Variants in EXOC4 observed in about 807,000 individuals in gnomAD.
EXOC4 encodes the protein exocyst complex component 4, also known as SEC8-like 1.
In EXOC4, 71 loss-of-function variants were observed where a neutral mutation model predicts 107.2. That is an observed-to-expected ratio of 0.66 (90% CI 0.55 to 0.81). The LOEUF (loss-of-function observed/expected upper bound fraction) is 0.81. EXOC4 is among the 30% of genes least tolerant of loss of function. The pLI is 0.00. For synonymous variants in EXOC4, 456 were observed against 441.2 expected (o/e 1.03, Z -0.42); for missense variants, 1,108 against 1,189.6 (o/e 0.93, Z 1.01).
At chr7:133,951,125 A>G (rs1283468371) in intron 14 of EXOC4, among the ~76,000 whole-genome samples, 1 of 152,212 alleles carries the variant, frequency 6.6e-6, no homozygotes, top group Non-Finnish European at 1.5e-5. Context: ...CATTCCTGCA[A>G]AACAAATGAG....
chr7:133,402,081 A>T (rs1797102563), intron 7 of EXOC4, among the ~76,000 whole-genome samples: 1 of 152,226 alleles, frequency 6.6e-6, no homozygotes, highest in African/African-American at 2.4e-5. Flanking sequence ...AGTTAAATGT[A>T]TATGAGTTTT....
chr7:133,855,079 C>CTAAATATATA lies in EXOC4; in HGVS notation c.1734+37548_1734+37557dup, dbSNP rs1297598608. The stretch of plus-strand genomic sequence containing the variant: ...TATATCTAAATATATCTAAATATAT[C>CTAAATATATA]TAAATATATATAAATATATATATAA... On this transcript the variant is annotated intron_variant, in intron 11 of 17. Coordinates refer to ENST00000253861, the MANE Select transcript of EXOC4 (RefSeq NM_021807.4). 2.2e-3 allele frequency among the ~76,000 whole-genome samples: 96 copies of CTAAATATATA among 43,726 alleles called. 1 individual carries two copies. The highest frequency in any genetic ancestry group is 0.013 in the Middle Eastern group (1 of 80). 28.7% of individuals were successfully genotyped at this position (43,726 alleles called of 152,430 possible). A position where few individuals can be genotyped will look rare whatever the true frequency, so the allele number is the denominator to read the frequency against.
chr7:133,597,319 C>G (rs149370906), intron 9 of EXOC4, among the ~76,000 whole-genome samples: 1 of 151,714 alleles, frequency 6.6e-6, no homozygotes, highest in Non-Finnish European at 1.5e-5. Context: ...TTTGGGAGGC[C>G]GAGGCGGGTG....
chr7:134,002,032 T>C (rs1490965561), intron 15 of EXOC4, among the ~76,000 whole-genome samples: 2 of 152,220 alleles, frequency 1.3e-5, no homozygotes, highest in Admixed American at 6.5e-5. Context: ...GCAATCAGTG[T>C]GCTAGTCATG....
At chr7:133,636,063 T>C (rs1802702437) in intron 10 of EXOC4, among the ~76,000 whole-genome samples, 1 of 152,092 alleles carries the variant, frequency 6.6e-6, no homozygotes, top group Non-Finnish European at 1.5e-5. Context: ...AAAAGTGAAG[T>C]GTTGGGGCTG....
intron 7 of EXOC4, among the ~76,000 whole-genome samples, chr7:133,393,216 T>C (rs1441835026): frequency 6.6e-6 from 1 of 152,172 alleles, no homozygotes; most frequent in African/African-American, 2.4e-5. Flanking sequence ...TTGACATATC[T>C]AATAGTTATA....
the EXOC4 span, among the ~76,000 whole-genome samples, chr7:134,079,715 G>T: frequency 2.0e-5 from 3 of 152,126 alleles, no homozygotes; most frequent in African/African-American, 4.8e-5. Context: ...AGTTCCTCTG[G>T]TCCTCCACAA....
At chr7:133,964,726 T>C (rs1033024867) in intron 14 of EXOC4, among the ~76,000 whole-genome samples, 3 of 152,204 alleles carry the variant, frequency 2.0e-5, no homozygotes, top group African/African-American at 7.2e-5. Flanking sequence ...ATCTAGTCTA[T>C]CATTGATGGG....
chr7:133,811,050 C>T (rs1297402489), intron 10 of EXOC4, among the ~76,000 whole-genome samples: 1 of 152,096 alleles, frequency 6.6e-6, no homozygotes, highest in Non-Finnish European at 1.5e-5. Context: ...GAATAAGGGT[C>T]CTCAAAATCC....
the EXOC4 span, among the ~76,000 whole-genome samples, chr7:134,079,972 G>A: frequency 7.9e-5 from 12 of 152,154 alleles, no homozygotes; most frequent in Admixed American, 2.6e-4. Flanking sequence ...CTCTGATCAC[G>A]CCAAGATCTA....
intron 10 of EXOC4, among the ~76,000 whole-genome samples, chr7:133,769,279 TG>T (rs1301951314): frequency 7.9e-5 from 12 of 151,784 alleles, no homozygotes; most frequent in East Asian, 1.9e-4. Context: ...ATACATAGAT[TG>T]TTTTTTTTTT....
chr7:133,844,378 C>CTT (rs761535651), intron 11 of EXOC4, among the ~76,000 whole-genome samples: 903 of 83,386 alleles, frequency 0.011, 157 homozygotes, highest in African/African-American at 0.027. Context: ...CCACATATTC[C>CTT]TTTTTTTTTT....
At chr7:133,498,571 C>T (rs1039080486) in intron 9 of EXOC4, among the ~76,000 whole-genome samples, 4 of 152,016 alleles carry the variant, frequency 2.6e-5, no homozygotes, top group Non-Finnish European at 2.9e-5. Context: ...GGCGACAGAG[C>T]GAGACTCCGT....
At chr7:133,819,419 C>T (rs996348849) in intron 11 of EXOC4, among the ~76,000 whole-genome samples, 2 of 151,930 alleles carry the variant, frequency 1.3e-5, no homozygotes, top group Non-Finnish European at 2.9e-5. Flanking sequence ...TCCTTTCCCA[C>T]TAGAAGGTAA....
At chr7:133,955,689 G>C (rs1176965424) in intron 14 of EXOC4, among the ~76,000 whole-genome samples, 1 of 152,250 alleles carries the variant, frequency 6.6e-6, no homozygotes, top group African/African-American at 2.4e-5. Flanking sequence ...ATGGTGCCCA[G>C]GCTGTTTGTG....
intron 9 of EXOC4, among the ~76,000 whole-genome samples, chr7:133,534,053 A>G (rs2150924212): frequency 6.6e-6 from 1 of 152,326 alleles, no homozygotes; most frequent in South Asian, 2.1e-4. Flanking sequence ...AGTTTAGGTC[A>G]GAGAATTTTA....
At chr7:133,910,216 C>T (rs1036181460) in intron 12 of EXOC4, among the ~76,000 whole-genome samples, 1 of 152,194 alleles carries the variant, frequency 6.6e-6, no homozygotes, top group African/African-American at 2.4e-5. Flanking sequence ...ACCACTGCGT[C>T]CAGCTGAGAC....
chr7:133,382,039 CT>C (rs1287561063), intron 7 of EXOC4, among the ~76,000 whole-genome samples: 2 of 151,972 alleles, frequency 1.3e-5, no homozygotes, highest in African/African-American at 4.8e-5. Context: ...AATATGGGAA[CT>C]TTGGAGATTT....
chr7:133,852,348 G>A (rs549442207), intron 11 of EXOC4, among the ~76,000 whole-genome samples: 3 of 151,662 alleles, frequency 2.0e-5, no homozygotes, highest in East Asian at 3.9e-4. Flanking sequence ...TCAGCCTCCC[G>A]AGTAGCTGGG....
Sources: gnomAD v4.1 joint callset for allele counts (sites outside exome capture counted in the v4.1 genomes callset) on GRCh38, gnomAD v4.1.1 for gene constraint, MANE v1.5 for transcripts, NCBI Gene and HGNC (gene_info 2026-07-23, HGNC 2026-07-21) for gene names.